The following ANXA2 variants were observed in gnomAD, a reference collection of about 807,000 sequenced individuals.
ANXA2 encodes annexin A2, also known as annexin II.
Under a neutral mutation model 47.3 loss-of-function variants are expected in ANXA2, and 28 were observed. That is an observed-to-expected ratio of 0.59 (90% CI 0.44 to 0.81). The LOEUF (loss-of-function observed/expected upper bound fraction) is 0.81, where lower values mean the gene tolerates loss of function less well. ANXA2 is among the 40% of genes least tolerant of loss of function. The pLI is 0.00. For synonymous variants in ANXA2, 172 were observed against 155.5 expected, an observed-to-expected ratio of 1.11 and a Z score of -0.79; for missense variants, 384 against 414.3, an observed-to-expected ratio of 0.93 and a Z score of 0.64.
At chr15:60,368,603 T>C (rs1049782593) in intron 3 of ANXA2, among the ~76,000 whole-genome samples, 3 of 151,956 alleles carry the variant, frequency 2.0e-5, no homozygotes, top group African/African-American at 7.2e-5. Context: ...ATGCTCTGTA[T>C]ACTCTCATTT....
chr15:60,354,769 C>T (rs1280318519), intron 7 of ANXA2, among the ~76,000 whole-genome samples: 1 of 152,134 alleles, frequency 6.6e-6, no homozygotes, highest in Non-Finnish European at 1.5e-5. Context: ...GCCTACACAC[C>T]TTACAGAATC....
At chr15:60,348,734 A>G (rs1234348333) in intron 12 of ANXA2, among the ~76,000 whole-genome samples, 1 of 144,114 alleles carries the variant, frequency 6.9e-6, no homozygotes, top group African/African-American at 2.6e-5. Flanking sequence ...CGAGAGAGCA[A>G]GACTCCGTCT....
chr15:60,356,054 C>G (rs1025579454), intron 6 of ANXA2, 56 bp from the exon 7 acceptor site: 5 of 1,293,632 alleles, frequency 3.9e-6, no homozygotes, highest in Non-Finnish European at 5.6e-6. Context: ...CAACCATCCA[C>G]CCCAATCTCC....
intron 3 of ANXA2, among the ~76,000 whole-genome samples, chr15:60,376,498 A>G (rs1408510712): frequency 6.6e-6 from 1 of 152,196 alleles, no homozygotes; most frequent in Non-Finnish European, 1.5e-5. Context: ...AAAGTGAGCC[A>G]GGACAGGTAT....
At position 60,386,028 on chromosome 15, in the gene ANXA2, A is replaced by G. The variant is rs934114447; in HGVS notation, c.48T>C (p.Asp16=). The change falls in exon 2 of 13, where the codon GAT becomes GAC. Residue 16 remains aspartate, a splice_region_variant and synonymous_variant. Transcript: ENST00000451270. ...TATAAAGTGAAAGTGATATACTTAC[A>G]TCACCCTCCAAGCTGAGCTTGCACA... The part of the protein sequence containing the change: ...EILCKLSLEG[D]HSTPPSAYGS... The G allele has an allele frequency of 1.6e-5, 25 of 1,610,076 alleles. No individual in the cohort carries two copies. Among genetic ancestry groups the G allele is most frequent in the African/African-American group, 2.7e-5 (2 of 74,778 alleles).
At chr15:60,386,696 G>C (rs1478904896) in intron 1 of ANXA2, 2 of 152,216 alleles carry the variant, frequency 1.3e-5, no homozygotes, top group Non-Finnish European at 2.9e-5. Context: ...TTGTATTTAA[G>C]ATTTGAAATG....
chr15:60,354,836 T>TTGCAATGCAGATGGAGGA, intron 7 of ANXA2, among the ~76,000 whole-genome samples: 1 of 152,148 alleles, frequency 6.6e-6, no homozygotes, highest in African/African-American at 2.4e-5. Flanking sequence ...CACAGAGAGC[T>TTGCAATGCAGATGGAGGA]TGCAATGCAG....
At chr15:60,364,188 CTA>C (rs1381223367) in intron 4 of ANXA2, among the ~76,000 whole-genome samples, 3 of 152,214 alleles carry the variant, frequency 2.0e-5, no homozygotes, top group South Asian at 2.1e-4. Context: ...CGCGAGGGAT[CTA>C]TGTTGTACAC....
At chr15:60,371,604 C>A (rs1002287261) in intron 3 of ANXA2, among the ~76,000 whole-genome samples, 1 of 152,164 alleles carries the variant, frequency 6.6e-6, no homozygotes, top group South Asian at 2.1e-4. Context: ...AAATGGATTT[C>A]ATTTGTGTTT....
intron 3 of ANXA2, among the ~76,000 whole-genome samples, chr15:60,381,427 G>T (rs2062856520): frequency 6.6e-6 from 1 of 152,102 alleles, no homozygotes; most frequent in South Asian, 2.1e-4. Context: ...TATTTTTCAG[G>T]GATTCAGGGG....
At chr15:60,361,689 C>T (rs2062516995) in intron 4 of ANXA2, among the ~76,000 whole-genome samples, 1 of 152,172 alleles carries the variant, frequency 6.6e-6, no homozygotes, top group African/African-American at 2.4e-5. Context: ...CACCCCCGAA[C>T]TGGCCCCCTT....
chr15:60,392,435 T>C (rs755884668), intron 1 of ANXA2, among the ~76,000 whole-genome samples: 2 of 151,888 alleles, frequency 1.3e-5, no homozygotes, highest in Non-Finnish European at 2.9e-5. Flanking sequence ...TAGATTTTAT[T>C]GTATTCTATT....
At chr15:60,359,238 A>C (rs1370868521) in intron 5 of ANXA2, among the ~76,000 whole-genome samples, 5 of 152,190 alleles carry the variant, frequency 3.3e-5, no homozygotes. Flanking sequence ...TACAACAGTG[A>C]CTGACAGCTC....
intron 1 of ANXA2, chr15:60,393,588 CG>C: frequency 1.0e-6 from 1 of 985,436 alleles, no homozygotes; most frequent in Non-Finnish European, 1.2e-6. Flanking sequence ...TCTCCAAACA[CG>C]CTCAGCACTT....
chr15:60,362,188 A>T (rs1595674473), intron 4 of ANXA2, among the ~76,000 whole-genome samples: 1 of 152,154 alleles, frequency 6.6e-6, no homozygotes, highest in East Asian at 1.9e-4. Flanking sequence ...GCTCCCAATT[A>T]TAACACCAGT....
chr15:60,379,094 G>A (rs1309721185), intron 3 of ANXA2, among the ~76,000 whole-genome samples: 1 of 151,874 alleles, frequency 6.6e-6, no homozygotes, highest in Non-Finnish European at 1.5e-5. Flanking sequence ...GCCTGCCCAA[G>A]ATGGTGAAAC....
intron 3 of ANXA2, among the ~76,000 whole-genome samples, chr15:60,376,391 AAAG>A (rs996439815): frequency 6.6e-5 from 10 of 152,192 alleles, no homozygotes; most frequent in South Asian, 2.1e-4. Context: ...AAAAAAAAAA[AAAG>A]AAGACGACGA....
chr15:60,382,303 G>T, intron 3 of ANXA2, 39 bp downstream of exon 3: 1 of 1,522,148 alleles, frequency 6.6e-7, no homozygotes, highest in Non-Finnish European at 9.1e-7. Flanking sequence ...AAATGTCTCA[G>T]TAAGACCCTG....
intron 3 of ANXA2, among the ~76,000 whole-genome samples, chr15:60,365,995 C>T (rs1337021067): frequency 3.5e-5 from 5 of 142,512 alleles, no homozygotes; most frequent in Non-Finnish European, 7.7e-5. Context: ...ATTGCAGGCG[C>T]GCGCCGCCAC....
Sources: gnomAD v4.1 joint callset for allele counts (sites outside exome capture counted in the v4.1 genomes callset) on GRCh38, gnomAD v4.1.1 for gene constraint, MANE v1.5 for transcripts, NCBI Gene and HGNC (gene_info 2026-07-23, HGNC 2026-07-21) for gene names.